Variants in CACNA1I observed in about 807,000 individuals in gnomAD.
CACNA1I encodes the protein voltage-dependent T-type calcium channel subunit alpha-1I.
A neutral mutation model predicts 201.6 loss-of-function variants in CACNA1I; 74 were observed. The observed-to-expected ratio is 0.37, with a 90% CI of 0.30 to 0.45. The LOEUF (loss-of-function observed/expected upper bound fraction) is 0.45. Ranked by LOEUF, CACNA1I falls within the 20% of genes least tolerant of loss-of-function variation. The pLI is 1.00. For missense variants in CACNA1I, 2,346 were observed against 3,138.1 expected (o/e 0.75, Z 6.03); for synonymous variants, 1,431 against 1,345.2 (o/e 1.06, Z -1.40).
chr22:39,681,118 GGCAGGACCCC>G (rs762744706), intron 34 of CACNA1I, 66 bp downstream of exon 34: 199 of 1,528,190 alleles, frequency 1.3e-4, no homozygotes, highest in Middle Eastern at 1.7e-4. Flanking sequence ...TGCCCACCCA[GGCAGGACCCC>G]CCTGTCTTTC....
In CACNA1I at chr22:39,686,430, C is replaced by T; in HGVS notation, c.*25C>T. 1.6e-6 allele frequency: 2 copies of T among 1,219,954 alleles called. No individual in the cohort carries two copies. Among genetic ancestry groups the T allele is most frequent in the East Asian group, 3.4e-5 (1 of 29,504 alleles). 75.6% of individuals were successfully genotyped at this position (1,219,954 alleles called of 1,614,324 possible). On this transcript the variant is annotated 3_prime_UTR_variant, in exon 37 of 37. Transcript: ENST00000402142. ...AGGGTCGCAGGGGCCCCCGGCCGCC[C>T]ACCGCCCGCCCCGTCTCACCTTCTT...
intron 5 of CACNA1I, among the ~76,000 whole-genome samples, chr22:39,639,143 A>T (rs923761625): frequency 7.9e-5 from 12 of 152,194 alleles, no homozygotes; most frequent in African/African-American, 2.9e-4. Context: ...AGCTATCCCC[A>T]CTTGTTTATC....
intron 18 of CACNA1I, among the ~76,000 whole-genome samples, chr22:39,663,350 C>T (rs1935086357): frequency 6.6e-6 from 1 of 152,126 alleles, no homozygotes; most frequent in African/African-American, 2.4e-5. Flanking sequence ...TTCCAGTAGG[C>T]ACATCAGGGG....
intron 28 of CACNA1I, 41 bp downstream of exon 28, chr22:39,673,123 G>C: frequency 6.3e-7 from 1 of 1,592,210 alleles, no homozygotes; most frequent in Non-Finnish European, 8.6e-7. Flanking sequence ...GGACAAGCAG[G>C]GGCGGGATGA....
At chr22:39,579,443 T>C (rs1369112486) in intron 1 of CACNA1I, among the ~76,000 whole-genome samples, 1 of 152,194 alleles carries the variant, frequency 6.6e-6, no homozygotes, top group Non-Finnish European at 1.5e-5. Flanking sequence ...CTGTTTGCAT[T>C]GCTGTGTAAG....
In CACNA1I at chr22:39,662,059, C is replaced by A. The variant is rs751108102; in HGVS notation, c.2996C>A (p.Pro999Gln). 6.4e-7 allele frequency: 1 copy of A among 1,555,002 alleles called. No homozygotes were observed. The highest frequency in any genetic ancestry group is 2.4e-5 in the East Asian group (1 of 40,896). The change falls in exon 17 of 37, where the codon CCG (proline) becomes CAG (glutamine). Residue 999 changes from proline (P) to glutamine (Q), a missense_variant. Coordinates refer to ENST00000402142, the MANE Select transcript of CACNA1I (RefSeq NM_021096.4). ...TGGAACAGCCTCAAGCACAAGCCGC[C>A]GTCGGCGGAGCATGAGTCCCTGCTC... The part of the protein sequence containing the change: ...SSWNSLKHKP[P>Q]SAEHESLLSA...
chr22:39,611,835 C>T (rs1225934340), intron 3 of CACNA1I, among the ~76,000 whole-genome samples: 4 of 152,170 alleles, frequency 2.6e-5, no homozygotes, highest in East Asian at 1.9e-4. Context: ...TCTGTCTTTG[C>T]AGCCCATCCC....
At chr22:39,642,717 C>A in intron 6 of CACNA1I, 80 bp from the exon 7 acceptor site, 1 of 902,808 alleles carries the variant, frequency 1.1e-6, no homozygotes, top group East Asian at 2.6e-5. Flanking sequence ...CACAGTGGGG[C>A]CTCTGTCTGG....
In CACNA1I at chr22:39,684,918, G is replaced by A. The variant is rs540580985; in HGVS notation, c.6027+420G>A. ...ATGGAGGTGGGAGGGCGGGTCTGGT[G>A]GATGAGAAGCCTCGGGCTGCAGGGT... On this transcript the variant is annotated intron_variant, in intron 36 of 36. Coordinates refer to ENST00000402142, the MANE Select transcript of CACNA1I (RefSeq NM_021096.4). This position sits in a 1 kb window ranked among gnomAD's most constrained non-coding sequence, Gnocchi z 4.6. 3.7e-4 allele frequency: 133 copies of A among 362,054 alleles called. 1 individual carries two copies. In the South Asian group the frequency reaches 5.6e-3, roughly 15 times the overall value. 22.4% of individuals were successfully genotyped at this position (362,054 alleles called of 1,614,324 possible). A position where few individuals can be genotyped will look rare whatever the true frequency, so the allele number is the denominator to read the frequency against.
chr22:39,616,809 T>G (rs568650277), intron 3 of CACNA1I, among the ~76,000 whole-genome samples: 9 of 151,500 alleles, frequency 5.9e-5, no homozygotes, highest in Admixed American at 5.2e-4. Flanking sequence ...GAAAACACTC[T>G]TTGTCATCAA....
In CACNA1I at chr22:39,649,417, G is replaced by A; in HGVS notation, c.1568-84G>A. ...TCCAGGCAGACCTGTGGGCCTGGGA[G>A]CCAAGCGCACTCAGGGATGTGTCCC... On this transcript the variant is annotated intron_variant, in intron 9 of 36. Transcript: ENST00000402142. The surrounding 1 kb of genome is among the most constrained non-coding windows in gnomAD (Gnocchi z 7.3). 7.4e-7 allele frequency: 1 copy of A among 1,359,662 alleles called. No individual in the cohort carries two copies. Among genetic ancestry groups the A allele is most frequent in the Non-Finnish European group, 9.8e-7 (1 of 1,021,788 alleles). The allele number at this position is 1,359,662 out of a possible 1,614,324, so 84.2% of individuals were successfully genotyped here.
Position 39,659,910 on chromosome 22 carries a change from G to A in CACNA1I, c.2604+58G>A. On this transcript the variant is annotated intron_variant, in intron 14 of 36. Transcript: ENST00000402142. The surrounding 1 kb of genome is among the most constrained non-coding windows in gnomAD (Gnocchi z 4.3). Reference sequence around the variant, plus strand: ...ACAGGGTCTGCGAAAGACTGGGCGAGGGAGAGGTGGCCTGGATGGGGGAGG... The same window carrying A: ...ACAGGGTCTGCGAAAGACTGGGCGAAGGAGAGGTGGCCTGGATGGGGGAGG... 3.1e-6 allele frequency: 5 copies of A among 1,601,256 alleles called. No individual in the cohort carries two copies. The highest frequency in any genetic ancestry group is 4.3e-6 in the Non-Finnish European group (5 of 1,169,666).
At chr22:39,587,682 C>T in intron 1 of CACNA1I, 3 of 441,708 alleles carry the variant, frequency 6.8e-6, no homozygotes, top group Non-Finnish European at 1.4e-5. Context: ...AGATGATGCC[C>T]ATTCCTGCAG....
chr22:39,639,874 A>G (rs1184827871), intron 5 of CACNA1I, among the ~76,000 whole-genome samples: 6 of 152,200 alleles, frequency 3.9e-5, no homozygotes, highest in Non-Finnish European at 8.8e-5. Flanking sequence ...ATAGTTGTAC[A>G]GTATTTTGCT....
chr22:39,572,913 T>C (rs929416776), intron 1 of CACNA1I, among the ~76,000 whole-genome samples: 2 of 152,090 alleles, frequency 1.3e-5, no homozygotes, highest in African/African-American at 4.8e-5. Flanking sequence ...CCCACCGCCA[T>C]GCCCTACTAA....
At chr22:39,598,460 T>C (rs1256341506) in intron 2 of CACNA1I, among the ~76,000 whole-genome samples, 198 bp downstream of exon 2, 1 of 150,842 alleles carries the variant, frequency 6.6e-6, no homozygotes, top group East Asian at 2.0e-4. Flanking sequence ...CCGCACTCAC[T>C]TGGCTGACCC....
At chr22:39,611,190 C>CT (rs1386065869) in intron 3 of CACNA1I, among the ~76,000 whole-genome samples, 3 of 152,200 alleles carry the variant, frequency 2.0e-5, no homozygotes, top group Non-Finnish European at 4.4e-5. Context: ...CATTAACTGA[C>CT]TGAGTTGGGC....
rs1569065762 is a variant in CACNA1I, at chr22:39,620,275, C to CATA, written c.580+868_580+869insATA. On this transcript the variant is annotated intron_variant, in intron 4 of 36. Coordinates refer to ENST00000402142, the MANE Select transcript of CACNA1I (RefSeq NM_021096.4). ...TCCATCCATCCATCCATCCATCCAT[C>CATA]CATACGTACATACATACATCTGCTC... Among the ~76,000 whole-genome samples the CATA allele has an allele frequency of 4.9e-3, 219 of 44,452 alleles. 1 individual carries two copies. The highest frequency in any genetic ancestry group is 0.015 in the African/African-American group (216 of 14,696). 29.2% of individuals were successfully genotyped at this position (44,452 alleles called of 152,430 possible). A position where few individuals can be genotyped will look rare whatever the true frequency, so the allele number is the denominator to read the frequency against.
chr22:39,620,205 G>A (rs1316701646), intron 4 of CACNA1I, among the ~76,000 whole-genome samples: 36 of 101,842 alleles, frequency 3.5e-4, no homozygotes, highest in South Asian at 1.1e-3. Context: ...TCACCCACCC[G>A]TCCATCCATC....
Sources: gnomAD v4.1 joint callset for allele counts (sites outside exome capture counted in the v4.1 genomes callset) on GRCh38, gnomAD v4.1.1 for gene constraint, Gnocchi (gnomAD v3.1) non-coding constraint, MANE v1.5 for transcripts, NCBI Gene and HGNC (gene_info 2026-07-23, HGNC 2026-07-21) for gene names.